Variants in CRACD observed in about 807,000 individuals in gnomAD.
CRACD encodes the protein capping protein inhibiting regulator of actin dynamics.
In CRACD, 56 loss-of-function variants were observed where a neutral mutation model predicts 106.8. The observed-to-expected ratio is 0.52, with a 90% CI of 0.42 to 0.66. The LOEUF (loss-of-function observed/expected upper bound fraction) is 0.66. CRACD is among the 30% of genes least tolerant of loss of function. The pLI, the probability that CRACD is intolerant of heterozygous loss-of-function variation, is 0.00. For missense variants in CRACD, 1,730 were observed against 1,623.2 expected (o/e 1.07, Z -1.13); for synonymous variants, 754 against 670.8 (o/e 1.12, Z -1.92).
rs760123575 is a variant in CRACD, at chr4:56,314,273, G to C, written c.771G>C (p.Glu257Asp). 8.3e-6 allele frequency: 13 copies of C among 1,562,516 alleles called. 1 individual carries two copies. In the South Asian group the frequency reaches 1.5e-4, roughly 18 times the overall value. Residue 257 changes from glutamate (E) to aspartate (D), a missense_variant, in exon 8 of 11, where the codon GAG (glutamate) becomes GAC (aspartate). Around this residue, in one of 5 missense-constraint regions of CRACD, gnomAD observed 1,620 missense variants for 1,481.6 expected, o/e 1.09. Coordinates refer to ENST00000682029, the MANE Select transcript of CRACD (RefSeq NM_001393381.1). This position sits in a 1 kb window ranked among gnomAD's most constrained non-coding sequence, Gnocchi z 4.4. ...RLEEQRLQAL[E>D]RRLWEENRRQ... is the part of the protein sequence containing the mutation. The stretch of plus-strand genomic sequence containing the variant: ...AGGAGCAGAGGCTGCAGGCGCTGGA[G>C]AGGAGGCTTTGGGAAGAGAACAGAA...
intron 1 of CRACD, among the ~76,000 whole-genome samples, chr4:56,073,336 T>A (rs965447547): frequency 6.0e-5 from 9 of 151,054 alleles, no homozygotes; most frequent in African/African-American, 2.0e-4. Flanking sequence ...TGGTTTTTGA[T>A]TTGCATTTCT....
At chr4:56,095,372 T>C (rs1268192197) in intron 1 of CRACD, among the ~76,000 whole-genome samples, 2 of 152,132 alleles carry the variant, frequency 1.3e-5, no homozygotes, top group Non-Finnish European at 2.9e-5. Context: ...ACTATTGTTA[T>C]CGCAGTGGAG....
intron 1 of CRACD, among the ~76,000 whole-genome samples, chr4:56,165,303 A>G (rs1470853594): frequency 1.3e-5 from 2 of 152,218 alleles, no homozygotes; most frequent in Admixed American, 6.5e-5. Flanking sequence ...AGCAACAGAC[A>G]GAAATCCCTG....
At chr4:56,208,053 A>T (rs1370537962) in intron 2 of CRACD, among the ~76,000 whole-genome samples, 2 of 151,462 alleles carry the variant, frequency 1.3e-5, no homozygotes, top group Non-Finnish European at 2.9e-5. Context: ...GCCTCAAGCA[A>T]TATTCCTGCC....
At chr4:56,171,984 C>T (rs1378503544) in intron 1 of CRACD, among the ~76,000 whole-genome samples, 1 of 143,652 alleles carries the variant, frequency 7.0e-6, no homozygotes, top group Non-Finnish European at 1.5e-5. Flanking sequence ...TTTCTGTACT[C>T]CTGCTGGTGC....
intron 1 of CRACD, among the ~76,000 whole-genome samples, chr4:56,156,573 T>C (rs1163282724): frequency 1.3e-5 from 2 of 152,246 alleles, no homozygotes; most frequent in African/African-American, 4.8e-5. Flanking sequence ...ATGTAAGATT[T>C]GATTAATCTT....
At chr4:56,065,322 A>C (rs1732429778) in intron 1 of CRACD, among the ~76,000 whole-genome samples, 1 of 152,088 alleles carries the variant, frequency 6.6e-6, no homozygotes, top group African/African-American at 2.4e-5. Flanking sequence ...TCCTCACCTC[A>C]GGTGATCCAC....
chr4:56,060,731 G>T (rs945039939), intron 1 of CRACD, among the ~76,000 whole-genome samples: 5 of 152,160 alleles, frequency 3.3e-5, no homozygotes, highest in African/African-American at 1.2e-4. Flanking sequence ...GATGGTATTA[G>T]GAAGTGGGGC....
intron 2 of CRACD, among the ~76,000 whole-genome samples, chr4:56,238,922 C>G (rs998052404): frequency 6.6e-6 from 1 of 152,180 alleles, no homozygotes; most frequent in Non-Finnish European, 1.5e-5. Context: ...AGTTCAAAAT[C>G]CCTCCTTTCA....
chr4:56,118,835 G>C (rs1560456436), intron 1 of CRACD, among the ~76,000 whole-genome samples: 1 of 152,162 alleles, frequency 6.6e-6, no homozygotes, highest in Non-Finnish European at 1.5e-5. Flanking sequence ...CTTCTGTGCA[G>C]TAATTTCTCC....
intron 2 of CRACD, among the ~76,000 whole-genome samples, chr4:56,219,306 G>C (rs1333186573): frequency 6.6e-6 from 1 of 152,168 alleles, no homozygotes; most frequent in Non-Finnish European, 1.5e-5. Context: ...AACTCAATGT[G>C]ATAGAAATAA....
Position 56,314,523 on chromosome 4 carries a change from C to T in CRACD, c.1021C>T (p.Leu341=), listed in dbSNP as rs1391339983. 6.6e-7 allele frequency: 1 copy of T among 1,511,846 alleles called. No individual in the cohort carries two copies. Among genetic ancestry groups the T allele is most frequent in the South Asian group, 1.3e-5 (1 of 78,232 alleles). The allele number at this position is 1,511,846 out of a possible 1,614,324, so 93.7% of individuals were successfully genotyped here. ...ERRRLEEDAR[L]EERRRQEEEE... is the part of the protein sequence containing the mutation. ...GCGGCGGCTGGAGGAGGACGCCAGG[C>T]TGGAGGAGCGGAGGCGGCAGGAGGA... The change falls in exon 8 of 11, where the codon CTG becomes TTG. Residue 341 remains leucine, a synonymous_variant. Coordinates refer to ENST00000682029, the MANE Select transcript of CRACD (RefSeq NM_001393381.1). This position sits in a 1 kb window ranked among gnomAD's most constrained non-coding sequence, Gnocchi z 4.4.
At chr4:56,094,292 G>T (rs1204595835) in intron 1 of CRACD, among the ~76,000 whole-genome samples, 1 of 151,950 alleles carries the variant, frequency 6.6e-6, no homozygotes, top group Non-Finnish European at 1.5e-5. Flanking sequence ...TTATTTTAAT[G>T]TTTATGATGT....
chr4:56,283,229 C>T (rs1357926503), intron 3 of CRACD, among the ~76,000 whole-genome samples: 1 of 152,116 alleles, frequency 6.6e-6, no homozygotes, highest in Non-Finnish European at 1.5e-5. Flanking sequence ...AGGGCAGCCT[C>T]CTGGGGAGAA....
chr4:56,263,039 C>T (rs1407102529), intron 2 of CRACD, among the ~76,000 whole-genome samples: 1 of 152,164 alleles, frequency 6.6e-6, no homozygotes, highest in African/African-American at 2.4e-5. Context: ...ACACAAGGCA[C>T]AGTCCCTGGG....
intron 1 of CRACD, among the ~76,000 whole-genome samples, chr4:56,168,017 A>T (rs1458515557): frequency 6.6e-6 from 1 of 152,196 alleles, no homozygotes; most frequent in Non-Finnish European, 1.5e-5. Flanking sequence ...GTGTATAAAG[A>T]TGGTTTTACT....
intron 2 of CRACD, among the ~76,000 whole-genome samples, chr4:56,234,734 G>A (rs1739860456): frequency 1.3e-5 from 2 of 152,194 alleles, no homozygotes. Flanking sequence ...AAGGTTTAAA[G>A]CCTTAGTGGT....
rs1745357681 is a variant in CRACD, at chr4:56,314,294, C to T, written c.792C>T (p.Asn264=). 1 of 1,555,828 alleles carries T rather than the reference C, an allele frequency of 6.4e-7. No homozygotes were observed. The highest frequency in any genetic ancestry group is 1.2e-5 in the South Asian group (1 of 84,460). Residue 264 remains asparagine (N), a synonymous_variant, in exon 8 of 11, where the codon AAC becomes AAT. Coordinates refer to ENST00000682029, the MANE Select transcript of CRACD (RefSeq NM_001393381.1). The surrounding 1 kb of genome is among the most constrained non-coding windows in gnomAD (Gnocchi z 4.4). ...QALERRLWEE[N]RRQELLEEEG... ...TGGAGAGGAGGCTTTGGGAAGAGAA[C>T]AGAAGGCAGGAGCTCTTGGAGGAGG...
Position 56,314,383 on chromosome 4 carries a change from G to A in CRACD, c.881G>A (p.Ser294Asn), listed in dbSNP as rs772579862. The A allele has an allele frequency of 3.2e-6, 5 of 1,544,924 alleles. No homozygotes were observed. The African/African-American group carries it at 5.5e-5, about 17-fold the overall frequency. ...ERAPREEQQR[S>N]LEAPGWEDAE... ...GCGCCGCGGGAAGAGCAGCAGCGGA[G>A]CCTGGAAGCGCCAGGTTGGGAGGAC... Residue 294 changes from serine (S) to asparagine (N), a missense_variant, in exon 8 of 11, where the codon AGC becomes AAC. Physicochemically the swap from Ser to Asn is conservative, Grantham distance 46. Coordinates refer to ENST00000682029, the MANE Select transcript of CRACD (RefSeq NM_001393381.1). This position sits in a 1 kb window ranked among gnomAD's most constrained non-coding sequence, Gnocchi z 4.4.
Sources: gnomAD v4.1 joint callset for allele counts (sites outside exome capture counted in the v4.1 genomes callset) on GRCh38, gnomAD v4.1.1 for gene constraint, gnomAD v4.1.1 regional missense constraint, Gnocchi (gnomAD v3.1) non-coding constraint, MANE v1.5 for transcripts, NCBI Gene and HGNC (gene_info 2026-07-23, HGNC 2026-07-21) for gene names.